Variants in PHF20 observed in about 807,000 individuals in gnomAD.
PHF20 encodes the protein glioma-expressed antigen 2.
Under a neutral mutation model 113.5 loss-of-function variants are expected in PHF20, and 23 were observed. The ratio of observed to expected loss-of-function variants is 0.20; its 90% CI spans 0.15 to 0.29. The LOEUF (loss-of-function observed/expected upper bound fraction) is 0.29. Among genes scored for constraint, PHF20 ranks in the 10% least tolerant of loss-of-function variants. The probability of loss-of-function intolerance (pLI) is 1.00; values close to 1 mark genes in which losing one functional copy is unlikely to be tolerated. For synonymous variants in PHF20, 434 were observed against 457.3 expected (o/e 0.95, Z 0.65); for missense variants, 943 against 1,219.6 (o/e 0.77, Z 3.38).
Position 35,917,681 on chromosome 20 carries a change from A to G in PHF20, c.2004+19A>G, listed in dbSNP as rs1568763225. ...GATTCAGGTAGGCAGAGCTTCCAGG[A>G]AACAGGTCTAGAGAAGCACAAACTG... On this transcript the variant is annotated intron_variant, in intron 13 of 17. Transcript: ENST00000374012. 4 of 1,606,692 alleles carry G rather than the reference A, an allele frequency of 2.5e-6. No individual in the cohort carries two copies. Among genetic ancestry groups the G allele is most frequent in the Non-Finnish European group, 3.4e-6 (4 of 1,176,238 alleles).
intron 9 of PHF20, among the ~76,000 whole-genome samples, chr20:35,891,971 G>A (rs1194735848): frequency 6.6e-6 from 1 of 152,030 alleles, no homozygotes; most frequent in Non-Finnish European, 1.5e-5. Flanking sequence ...CCGGGTTCAA[G>A]CGATTCACCT....
At chr20:35,938,522 A>T (rs2147126629) in intron 15 of PHF20, 175 bp from the exon 16 acceptor site, 1 of 634,256 alleles carries the variant, frequency 1.6e-6, no homozygotes, top group South Asian at 2.0e-5. Context: ...CTCACTAAGG[A>T]GTGGTCTCCT....
chr20:35,847,685 T>C (rs2042647562), intron 4 of PHF20, among the ~76,000 whole-genome samples: 1 of 152,232 alleles, frequency 6.6e-6, no homozygotes, highest in Non-Finnish European at 1.5e-5. Flanking sequence ...ACAGTTCATC[T>C]GTCACTCTGC....
intron 1 of PHF20, among the ~76,000 whole-genome samples, chr20:35,786,232 CAAAAAA>C (rs1177638390): frequency 6.8e-6 from 1 of 146,036 alleles, no homozygotes; most frequent in Non-Finnish European, 1.5e-5. Context: ...ACTAAAAATA[CAAAAAA>C]AAATTAGTTG....
chr20:35,783,956 G>A (rs553682267), intron 1 of PHF20, among the ~76,000 whole-genome samples: 1 of 151,936 alleles, frequency 6.6e-6, no homozygotes, highest in South Asian at 2.1e-4. Context: ...TTGCACTCTA[G>A]CCTGGGCAAC....
rs751976044 is a variant in PHF20, at chr20:35,914,039, C to T, written c.1667C>T (p.Pro556Leu). The change falls in exon 12 of 18, where the codon CCC (proline) becomes CTC (leucine). Residue 556 changes from proline to leucine, a missense_variant. Around this residue, in one of 3 missense-constraint regions of PHF20, gnomAD observed 592 missense variants for 787.2 expected, o/e 0.75. Transcript: ENST00000374012. ...KKKKKTKPECPCSEEISDTSQ... is the reference protein window; with the variant it reads ...KKKKKTKPECLCSEEISDTSQ... ...CCTGATCCTGTTCTTCCAGAATGCC[C>T]CTGCAGTGAGGAGATCAGTGACACC... 13 of 1,614,060 alleles carry T rather than the reference C, an allele frequency of 8.1e-6. No individual in the cohort carries two copies. In the South Asian group the frequency reaches 1.4e-4, roughly 18 times the overall value.
chr20:35,847,456 T>C, intron 4 of PHF20, 22 bp downstream of exon 4: 2 of 1,511,294 alleles, frequency 1.3e-6, no homozygotes, highest in Non-Finnish European at 1.8e-6. Flanking sequence ...GAGTTGTAGT[T>C]GTTTTTACTC....
intron 2 of PHF20, among the ~76,000 whole-genome samples, chr20:35,842,001 G>A (rs911433738): frequency 6.6e-6 from 1 of 152,082 alleles, no homozygotes; most frequent in East Asian, 1.9e-4. Flanking sequence ...AACCCAGTGT[G>A]CTTCTTCCAC....
intron 17 of PHF20, 24 bp downstream of exon 17, chr20:35,941,071 T>A (rs1472691795): frequency 6.2e-7 from 1 of 1,601,260 alleles, no homozygotes; most frequent in South Asian, 1.1e-5. Flanking sequence ...ATTGGCCCCC[T>A]GTGCATTGGC....
intron 10 of PHF20, among the ~76,000 whole-genome samples, chr20:35,907,257 T>A (rs2055217430): frequency 6.6e-6 from 1 of 152,166 alleles, no homozygotes; most frequent in Non-Finnish European, 1.5e-5. Flanking sequence ...GTCAGCTGTA[T>A]GGAGGAGCAA....
chr20:35,864,759 C>T (rs2054284404), intron 6 of PHF20, among the ~76,000 whole-genome samples: 1 of 152,110 alleles, frequency 6.6e-6, no homozygotes, highest in African/African-American at 2.4e-5. Flanking sequence ...TAGACCTCTG[C>T]TGTCTAGTAT....
intron 17 of PHF20, among the ~76,000 whole-genome samples, chr20:35,941,993 A>G (rs1353189402): frequency 6.6e-6 from 1 of 152,140 alleles, no homozygotes; most frequent in Non-Finnish European, 1.5e-5. Context: ...CTGTTGGAGG[A>G]CAGTGAGAGA....
At chr20:35,920,609 C>A (rs1266704603) in intron 13 of PHF20, among the ~76,000 whole-genome samples, 1 of 152,180 alleles carries the variant, frequency 6.6e-6, no homozygotes, top group Non-Finnish European at 1.5e-5. Flanking sequence ...CCCTATGCGG[C>A]CTTAGCTACG....
At chr20:35,789,002 A>C (rs1416827837) in intron 1 of PHF20, among the ~76,000 whole-genome samples, 1 of 152,148 alleles carries the variant, frequency 6.6e-6, no homozygotes, top group Non-Finnish European at 1.5e-5. Flanking sequence ...TTCAGCATAG[A>C]GTGATGAATG....
At chr20:35,850,585 GTTTTTTTTTTTTTTTTT>G (rs58771222) in intron 4 of PHF20, 7 of 37,634 alleles carry the variant, frequency 1.9e-4, no homozygotes, top group African/African-American at 1.2e-3. Context: ...ATTATGAGCT[GTTTTTTTTTTTTTTTTT>G]TTTTTTTTTT....
chr20:35,921,803 ACT>A (rs941048907), intron 13 of PHF20, among the ~76,000 whole-genome samples: 1 of 151,312 alleles, frequency 6.6e-6, no homozygotes, highest in African/African-American at 2.4e-5. Flanking sequence ...TTTAGTTTCT[ACT>A]CTGTCATCCT....
At chr20:35,788,146 G>GCTTCA (rs2041461925) in intron 1 of PHF20, among the ~76,000 whole-genome samples, 1 of 151,658 alleles carries the variant, frequency 6.6e-6, no homozygotes, top group South Asian at 2.1e-4. Context: ...GCCCAGGCTG[G>GCTTCA]AGTGCAGTGG....
chr20:35,891,806 C>T (rs1361697714), intron 9 of PHF20, among the ~76,000 whole-genome samples: 3 of 151,970 alleles, frequency 2.0e-5, no homozygotes, highest in African/African-American at 4.8e-5. Context: ...GAGAAAGGGA[C>T]GATTGCTTAA....
chr20:35,915,085 C>G (rs2055378514), intron 12 of PHF20, among the ~76,000 whole-genome samples: 1 of 147,820 alleles, frequency 6.8e-6, no homozygotes, highest in South Asian at 2.1e-4. Flanking sequence ...CACACTTACA[C>G]ACATATATAT....
Sources: gnomAD v4.1 joint callset for allele counts (sites outside exome capture counted in the v4.1 genomes callset) on GRCh38, gnomAD v4.1.1 for gene constraint, gnomAD v4.1.1 regional missense constraint, MANE v1.5 for transcripts, NCBI Gene and HGNC (gene_info 2026-07-23, HGNC 2026-07-21) for gene names.